The following ST8SIA2 variants were observed in gnomAD, a reference collection of about 807,000 sequenced individuals.
The protein encoded by ST8SIA2 is alpha-2,8-sialyltransferase 8B.
Under a neutral mutation model 37.6 loss-of-function variants are expected in ST8SIA2, and 22 were observed. The ratio of observed to expected loss-of-function variants is 0.58; its 90% CI spans 0.42 to 0.83. The LOEUF is 0.83. Ranked by LOEUF, ST8SIA2 falls within the 40% of genes least tolerant of loss-of-function variation. The pLI is 0.00. For missense variants in ST8SIA2, 382 were observed against 484.7 expected (o/e 0.79, Z 1.99); for synonymous variants, 205 against 201.2 (o/e 1.02, Z -0.16).
chr15:92,403,765 T>TTGAG (rs1596228833), intron 1 of ST8SIA2, among the ~76,000 whole-genome samples: 1 of 152,224 alleles, frequency 6.6e-6, no homozygotes, highest in East Asian at 1.9e-4. Flanking sequence ...GCCCTCCTAC[T>TTGAG]GCATCTCTTG....
intron 5 of ST8SIA2, among the ~76,000 whole-genome samples, chr15:92,455,630 C>A (rs2049914887): frequency 6.6e-6 from 1 of 152,236 alleles, no homozygotes; most frequent in South Asian, 2.1e-4. Flanking sequence ...AGCTGACTGG[C>A]AGTCCACTGT....
intron 1 of ST8SIA2, among the ~76,000 whole-genome samples, chr15:92,404,667 CA>C (rs35691790): frequency 0.53 from 55,767 of 105,294 alleles, 12,284 homozygotes; most frequent in East Asian, 0.68. Flanking sequence ...ACTAAAAATA[CA>C]AAAAAAAAAA....
At chr15:92,414,784 C>G (rs578069741) in intron 1 of ST8SIA2, among the ~76,000 whole-genome samples, 31 of 152,186 alleles carry the variant, frequency 2.0e-4, no homozygotes, top group Non-Finnish European at 4.0e-4. Flanking sequence ...ACCATCCTCT[C>G]TATGACCCGT....
chr15:92,398,002 G>A (rs1471992669), intron 1 of ST8SIA2, among the ~76,000 whole-genome samples: 2 of 152,108 alleles, frequency 1.3e-5, no homozygotes, highest in African/African-American at 2.4e-5. Context: ...GCATGGTGGC[G>A]GGTGCCTGTA....
In ST8SIA2 at chr15:92,464,477, G is replaced by C; in HGVS notation, c.*92G>C. On this transcript the variant is annotated 3_prime_UTR_variant, in exon 6 of 6. Transcript: ENST00000268164. ...CGGGGTGGCACAAACAATAGAACAA[G>C]CAGGCTAGTGGTTTTCTTTGTTAAA... 2.1e-6 allele frequency: 3 copies of C among 1,418,682 alleles called. No homozygotes were observed. The highest frequency in any genetic ancestry group is 3.0e-6 in the Non-Finnish European group (3 of 1,004,980). The allele number at this position is 1,418,682 out of a possible 1,614,324, so 87.9% of individuals were successfully genotyped here.
At chr15:92,446,484 C>A (rs59695687) in intron 5 of ST8SIA2, among the ~76,000 whole-genome samples, 6,035 of 152,224 alleles carry the variant, frequency 0.04, 398 homozygotes, top group African/African-American at 0.13. Flanking sequence ...TGGGAAAGTG[C>A]CAATTTGTGT....
intron 1 of ST8SIA2, among the ~76,000 whole-genome samples, chr15:92,408,677 T>A (rs57948373): frequency 0.052 from 6,459 of 123,078 alleles, 192 homozygotes; most frequent in Non-Finnish European, 0.067. Context: ...GTTCCATTTT[T>A]TTTATTTATT....
intron 5 of ST8SIA2, among the ~76,000 whole-genome samples, chr15:92,460,414 G>A (rs1233094990): frequency 6.6e-6 from 1 of 152,146 alleles, no homozygotes; most frequent in Non-Finnish European, 1.5e-5. Flanking sequence ...TTTAGGAGGG[G>A]GTGAGCTCCC....
rs531064815 is a variant in ST8SIA2 at position 92,418,764 on chromosome 15, G to A, written c.99-11285G>A. Among the ~76,000 whole-genome samples, 25 of 152,294 alleles carry A rather than the reference G, an allele frequency of 1.6e-4. 1 individual carries two copies. The South Asian group carries it at 3.5e-3, about 22-fold the overall frequency. On this transcript the variant is annotated intron_variant, in intron 1 of 5. Coordinates refer to ENST00000268164, the MANE Select transcript of ST8SIA2 (RefSeq NM_006011.4). ...AGAAAGTAATGCTGAACAAAATCTT[G>A]TTGGGTGTAAATACAGAGAAAAATC...
At chr15:92,432,675 A>G (rs1156933623) in intron 2 of ST8SIA2, among the ~76,000 whole-genome samples, 1 of 152,160 alleles carries the variant, frequency 6.6e-6, no homozygotes, top group Non-Finnish European at 1.5e-5. Flanking sequence ...GCCTTACTCA[A>G]AACTCGTCAA....
At chr15:92,452,860 G>C (rs1439332155) in intron 5 of ST8SIA2, among the ~76,000 whole-genome samples, 1 of 152,136 alleles carries the variant, frequency 6.6e-6, no homozygotes, top group Non-Finnish European at 1.5e-5. Flanking sequence ...GAAATGCAAA[G>C]TAAATTGCCC....
At chr15:92,394,763 G>A (rs1367249630) in intron 1 of ST8SIA2, among the ~76,000 whole-genome samples, 1 of 152,144 alleles carries the variant, frequency 6.6e-6, no homozygotes, top group African/African-American at 2.4e-5. Flanking sequence ...AGAAGGGCTC[G>A]CATAGCTGGA....
intron 1 of ST8SIA2, among the ~76,000 whole-genome samples, chr15:92,398,859 C>G (rs2124359): frequency 0.15 from 23,168 of 152,128 alleles, 2,530 homozygotes; most frequent in East Asian, 0.47. Flanking sequence ...TATCTGAAGA[C>G]CAACTCATCC....
intron 4 of ST8SIA2, among the ~76,000 whole-genome samples, chr15:92,440,073 G>C (rs1004200690): frequency 1.3e-5 from 2 of 152,176 alleles, no homozygotes; most frequent in Non-Finnish European, 2.9e-5. Context: ...GGAATTTTGA[G>C]AGGCAGATTT....
intron 5 of ST8SIA2, among the ~76,000 whole-genome samples, chr15:92,455,216 T>G (rs2049911624): frequency 1.3e-5 from 2 of 152,138 alleles, no homozygotes; most frequent in South Asian, 4.2e-4. Flanking sequence ...TTCCCTGTGC[T>G]GGTCCCAGTC....
intron 2 of ST8SIA2, among the ~76,000 whole-genome samples, chr15:92,432,176 G>A (rs1351280156): frequency 6.6e-6 from 1 of 152,154 alleles, no homozygotes; most frequent in Admixed American, 6.5e-5. Flanking sequence ...GATTTCTGAT[G>A]AGTACATCAG....
At chr15:92,412,909 C>A (rs559088386) in intron 1 of ST8SIA2, among the ~76,000 whole-genome samples, 15 of 152,318 alleles carry the variant, frequency 9.8e-5, no homozygotes, top group African/African-American at 3.6e-4. Flanking sequence ...TCGCCCACCT[C>A]GGCCTCCCAA....
intron 5 of ST8SIA2, among the ~76,000 whole-genome samples, chr15:92,461,200 G>A (rs558686294): frequency 1.6e-4 from 24 of 152,178 alleles, no homozygotes; most frequent in African/African-American, 5.5e-4. Context: ...AGTTCTGTAC[G>A]TGGCCAGTGG....
At chr15:92,410,771 A>G (rs1247910558) in intron 1 of ST8SIA2, among the ~76,000 whole-genome samples, 1 of 152,202 alleles carries the variant, frequency 6.6e-6, no homozygotes, top group African/African-American at 2.4e-5. Context: ...GCGTGCTCAT[A>G]GTACTGCTGA....
Sources: allele counts gnomAD v4.1 joint callset (sites outside exome capture counted in the v4.1 genomes callset), GRCh38; gene constraint gnomAD v4.1.1; transcripts MANE v1.5; gene names NCBI Gene and HGNC (gene_info 2026-07-23, HGNC 2026-07-21).